The following ATXN8OS variants were observed in gnomAD, a reference collection of about 807,000 sequenced individuals.
The protein encoded by ATXN8OS is ATXN8 opposite strand lncRNA.
chr13:70,113,777 C>G (rs1018287369), intron 1 of ATXN8OS, among the ~76,000 whole-genome samples: 9 of 152,018 alleles, frequency 5.9e-5, no homozygotes, highest in African/African-American at 2.2e-4. Flanking sequence ...GACATATTTG[C>G]CAAAACTTTA....
intron 3 of ATXN8OS, chr13:70,131,667 T>C (rs1192213458): frequency 5.1e-6 from 2 of 395,652 alleles, no homozygotes; most frequent in Admixed American, 4.4e-5. Flanking sequence ...AGACATTCTC[T>C]GGCCAACCCA....
intron 3 of ATXN8OS, among the ~76,000 whole-genome samples, chr13:70,132,195 T>C (rs1055672897): frequency 1.3e-5 from 2 of 151,898 alleles, no homozygotes; most frequent in Non-Finnish European, 2.9e-5. Flanking sequence ...CTATTCACAA[T>C]AGCAAAGACA....
chr13:70,143,280 T>G (rs1888740737), intron 3 of ATXN8OS, among the ~76,000 whole-genome samples: 1 of 152,156 alleles, frequency 6.6e-6, no homozygotes, highest in African/African-American at 2.4e-5. Flanking sequence ...AATTTCCCTC[T>G]CCTTTTCCTT....
chr13:70,157,223 GA>G (rs1029539244), intron 4 of ATXN8OS, among the ~76,000 whole-genome samples: 2 of 151,970 alleles, frequency 1.3e-5, no homozygotes, highest in African/African-American at 2.4e-5. Context: ...AAAAACAAAG[GA>G]AAGCCTTTAC....
chr13:70,118,861 T>C (rs1159331058), intron 2 of ATXN8OS, among the ~76,000 whole-genome samples: 2 of 151,586 alleles, frequency 1.3e-5, no homozygotes, highest in Non-Finnish European at 1.5e-5. Context: ...AGACAGAGTT[T>C]AGCTCTTGTT....
At chr13:70,154,963 G>A (rs918553400) in intron 4 of ATXN8OS, among the ~76,000 whole-genome samples, 3 of 152,148 alleles carry the variant, frequency 2.0e-5, no homozygotes, top group Admixed American at 2.0e-4. Flanking sequence ...TCTTGCCTCT[G>A]TATCCCTGCT....
At chr13:70,124,616 C>G (rs970184814) in intron 2 of ATXN8OS, among the ~76,000 whole-genome samples, 7 of 152,100 alleles carry the variant, frequency 4.6e-5, no homozygotes, top group Non-Finnish European at 7.4e-5. Flanking sequence ...ACTCAGTTAA[C>G]TGTGAACTCT....
chr13:70,107,625 C>T (rs1208616609), upstream of ATXN8OS: 2 of 1,576,936 alleles, frequency 1.3e-6, no homozygotes, highest in Admixed American at 1.8e-5. Context: ...TGGAAGGAGA[C>T]GGGTGGCTGA....
intron 2 of ATXN8OS, among the ~76,000 whole-genome samples, chr13:70,116,295 T>C (rs147736176): frequency 1.8e-4 from 28 of 152,172 alleles, no homozygotes; most frequent in Non-Finnish European, 3.2e-4. Context: ...AAATAAACCA[T>C]GGAAGAAATA....
chr13:70,171,446 T>A (rs1341952992), exon 5 of ATXN8OS, among the ~76,000 whole-genome samples: 1 of 152,132 alleles, frequency 6.6e-6, no homozygotes, highest in Admixed American at 6.6e-5. Context: ...GGTGAATGGA[T>A]GTGATGGCCT....
exon 5 of ATXN8OS, among the ~76,000 whole-genome samples, chr13:70,171,599 G>A (rs1391792516): frequency 6.6e-6 from 1 of 151,962 alleles, no homozygotes; most frequent in Non-Finnish European, 1.5e-5. Flanking sequence ...ATAATCTTAG[G>A]GAACTACCCT....
chr13:70,131,055 C>T, intron 3 of ATXN8OS: 1 of 398,502 alleles, frequency 2.5e-6, no homozygotes. Flanking sequence ...GGTGATTATT[C>T]TTTGACCAAT....
At chr13:70,148,123 A>G (rs1888812376) in intron 4 of ATXN8OS, among the ~76,000 whole-genome samples, 1 of 152,134 alleles carries the variant, frequency 6.6e-6, no homozygotes. Flanking sequence ...CAGGCTTCAG[A>G]TAGAATAGAG....
At chr13:70,122,163 T>C (rs1435027069) in intron 2 of ATXN8OS, among the ~76,000 whole-genome samples, 1 of 151,994 alleles carries the variant, frequency 6.6e-6, no homozygotes, top group African/African-American at 2.4e-5. Context: ...TTTAAACCTA[T>C]ATTGCCAATA....
At chr13:70,111,004 T>A (rs1490608000) in intron 1 of ATXN8OS, among the ~76,000 whole-genome samples, 1 of 152,208 alleles carries the variant, frequency 6.6e-6, no homozygotes, top group East Asian at 1.9e-4. Flanking sequence ...CACTATTGAA[T>A]TAAATTGAAC....
chr13:70,113,248 T>C (rs1026443709), intron 1 of ATXN8OS, among the ~76,000 whole-genome samples: 23 of 152,156 alleles, frequency 1.5e-4, no homozygotes, highest in African/African-American at 5.5e-4. Flanking sequence ...ACACTTTCTA[T>C]CCCTTTTATG....
At chr13:70,146,684 T>A (rs1888790633) in intron 3 of ATXN8OS, among the ~76,000 whole-genome samples, 1 of 149,618 alleles carries the variant, frequency 6.7e-6, no homozygotes, top group African/African-American at 2.5e-5. Flanking sequence ...AAACACTGCA[T>A]GTTCTCACTC....
chr13:70,163,963 G>A (rs2498505), intron 4 of ATXN8OS, among the ~76,000 whole-genome samples: 35,288 of 149,380 alleles, frequency 0.24, 4,558 homozygotes, highest in African/African-American at 0.32. Flanking sequence ...TTTTACGTAC[G>A]TCACTAAAAA....
At chr13:70,140,433 T>C (rs193250757) in intron 3 of ATXN8OS, among the ~76,000 whole-genome samples, 1 of 151,368 alleles carries the variant, frequency 6.6e-6, no homozygotes, top group East Asian at 2.0e-4. Context: ...TGAGTTATTG[T>C]AACTAATAAT....
Sources: gnomAD v4.1 joint callset for allele counts (sites outside exome capture counted in the v4.1 genomes callset) on GRCh38, gnomAD v4.1.1 for gene constraint, MANE v1.5 for transcripts, NCBI Gene and HGNC (gene_info 2026-07-23, HGNC 2026-07-21) for gene names.